Variants in UBE4B observed in about 807,000 individuals in gnomAD.
The protein encoded by UBE4B is ubiquitination factor E4B, also known as ubiquitin conjugation factor E4 B.
In UBE4B, 27 loss-of-function variants were observed where a neutral mutation model predicts 148.1. The observed-to-expected ratio is 0.18, with a 90% CI of 0.13 to 0.25. The LOEUF (loss-of-function observed/expected upper bound fraction) is 0.25. Among genes scored for constraint, UBE4B ranks in the 10% least tolerant of loss-of-function variants. The pLI, the probability that UBE4B is intolerant of heterozygous loss-of-function variation, is 1.00. For missense variants in UBE4B, 1,170 were observed against 1,662.4 expected (o/e 0.70, Z 5.15); for synonymous variants, 596 against 619.3 (o/e 0.96, Z 0.56).
intron 15 of UBE4B, 123 bp downstream of exon 15, chr1:10,132,605 C>A: frequency 1.4e-6 from 1 of 723,742 alleles, no homozygotes; most frequent in South Asian, 1.8e-5. Context: ...GGTAGACGAG[C>A]TTCCTGCTTT....
intron 25 of UBE4B, among the ~76,000 whole-genome samples, chr1:10,172,814 C>T (rs1646357540): frequency 6.6e-6 from 1 of 152,202 alleles, no homozygotes; most frequent in Non-Finnish European, 1.5e-5. Flanking sequence ...TAGTCATGTG[C>T]TGTTTCTGTC....
intron 14 of UBE4B, among the ~76,000 whole-genome samples, chr1:10,131,596 G>A (rs192205979): frequency 7.9e-5 from 12 of 152,178 alleles, no homozygotes; most frequent in Non-Finnish European, 1.2e-4. Context: ...CCGGCTGGGC[G>A]TGTTGGCTAA....
intron 23 of UBE4B, chr1:10,166,224 CTG>C (rs1342831686): frequency 6.6e-6 from 1 of 152,190 alleles, no homozygotes; most frequent in Non-Finnish European, 1.5e-5. Flanking sequence ...CCTGATGGGT[CTG>C]TGTTTGACCC....
chr1:10,129,314 T>C, intron 11 of UBE4B, 78 bp from the exon 12 acceptor site: 1 of 1,410,692 alleles, frequency 7.1e-7, no homozygotes, highest in East Asian at 2.3e-5. Flanking sequence ...TAGCAGCAGT[T>C]AAAACTGTTT....
chr1:10,168,382 A>C lies in UBE4B; in HGVS notation c.3333+112A>C. 6.9e-7 allele frequency: 1 copy of C among 1,442,520 alleles called. No individual in the cohort carries two copies. Among genetic ancestry groups the C allele is most frequent in the Non-Finnish European group, 9.3e-7 (1 of 1,078,928 alleles). 89.4% of individuals were successfully genotyped at this position (1,442,520 alleles called of 1,614,324 possible). On this transcript the variant is annotated intron_variant, in intron 24 of 27. Coordinates refer to ENST00000343090, the MANE Select transcript of UBE4B (RefSeq NM_001105562.3). The surrounding 1 kb of genome is among the most constrained non-coding windows in gnomAD (Gnocchi z 4.9). ...TGGAAATTTTAGGATCACAGTCATC[A>C]ATAAGTGAAATTCTGTGACTGATTT...
chr1:10,105,895 G>T, intron 6 of UBE4B, 151 bp downstream of exon 6: 1 of 958,394 alleles, frequency 1.0e-6, no homozygotes, highest in South Asian at 1.8e-5. Context: ...ATTGGAAGTG[G>T]AATTCTCTTT....
chr1:10,148,879 G>A (rs1019794017), intron 19 of UBE4B, among the ~76,000 whole-genome samples: 19 of 151,926 alleles, frequency 1.3e-4, no homozygotes, highest in African/African-American at 4.4e-4. Context: ...GGTGGAGGTT[G>A]CAGTGAGCCA....
chr1:10,176,789 T>C (rs1001238484), intron 25 of UBE4B, among the ~76,000 whole-genome samples: 14 of 144,612 alleles, frequency 9.7e-5, no homozygotes, highest in South Asian at 6.6e-4. Context: ...TTTTTCTTTT[T>C]TTTTTTTTTT....
At chr1:10,092,018 G>A (rs1644856522) in intron 2 of UBE4B, among the ~76,000 whole-genome samples, 1 of 152,016 alleles carries the variant, frequency 6.6e-6, no homozygotes, top group South Asian at 2.1e-4. Context: ...CAAAAGTGCT[G>A]GGATTACAGA....
intron 2 of UBE4B, among the ~76,000 whole-genome samples, chr1:10,095,182 A>G (rs1354773577): frequency 6.6e-6 from 1 of 152,182 alleles, no homozygotes; most frequent in Non-Finnish European, 1.5e-5. Flanking sequence ...CATAGTTTGA[A>G]TTGGTGCAAG....
At chr1:10,144,659 C>A (rs556909662) in intron 17 of UBE4B, among the ~76,000 whole-genome samples, 7 of 150,974 alleles carry the variant, frequency 4.6e-5, no homozygotes, top group Non-Finnish European at 8.8e-5. Flanking sequence ...CACTTGAACC[C>A]AGGAGGCGGA....
intron 25 of UBE4B, among the ~76,000 whole-genome samples, chr1:10,176,784 C>CTTTTTTTTTT (rs946016031): frequency 8.2e-6 from 1 of 121,776 alleles, no homozygotes; most frequent in Admixed American, 8.3e-5. Flanking sequence ...TTTTCTTTTT[C>CTTTTTTTTTT]TTTTTTTTTT....
At chr1:10,044,164 G>A (rs1281705838) in intron 1 of UBE4B, among the ~76,000 whole-genome samples, 1 of 152,028 alleles carries the variant, frequency 6.6e-6, no homozygotes, top group African/African-American at 2.4e-5. Context: ...TCGTGTCTCA[G>A]CCTCCCGAGT....
At chr1:10,100,305 T>A (rs1166068150) in intron 3 of UBE4B, among the ~76,000 whole-genome samples, 2 of 152,038 alleles carry the variant, frequency 1.3e-5, no homozygotes, top group Admixed American at 1.3e-4. Flanking sequence ...CTCAATTAAA[T>A]TTTTAAAAAT....
At chr1:10,108,188 C>T (rs1645150004) in intron 7 of UBE4B, among the ~76,000 whole-genome samples, 2 of 150,692 alleles carry the variant, frequency 1.3e-5, no homozygotes, top group African/African-American at 4.9e-5. Flanking sequence ...CCCTTCCCAC[C>T]CCCTCCCAGC....
chr1:10,138,283 G>T (rs1247006095), intron 17 of UBE4B, among the ~76,000 whole-genome samples: 1 of 151,964 alleles, frequency 6.6e-6, no homozygotes, highest in Non-Finnish European at 1.5e-5. Context: ...ATTTTTAGTA[G>T]AGACGGGGTT....
At chr1:10,090,995 A>G (rs1421659490) in intron 2 of UBE4B, among the ~76,000 whole-genome samples, 1 of 152,198 alleles carries the variant, frequency 6.6e-6, no homozygotes, top group Admixed American at 6.5e-5. Flanking sequence ...CATAGAATGC[A>G]TAATTTCCTT....
chr1:10,156,661 T>C (rs1029618393), intron 21 of UBE4B, among the ~76,000 whole-genome samples: 22 of 152,212 alleles, frequency 1.4e-4, no homozygotes, highest in Admixed American at 1.4e-3. Context: ...CTTCCTCTTG[T>C]AGGCTATCCT....
intron 23 of UBE4B, among the ~76,000 whole-genome samples, chr1:10,164,834 A>G (rs1646222603): frequency 6.6e-6 from 1 of 152,108 alleles, no homozygotes; most frequent in East Asian, 1.9e-4. Context: ...GTGTTTCTCA[A>G]CGAGGGCACT....
Sources: gnomAD v4.1 joint callset for allele counts (sites outside exome capture counted in the v4.1 genomes callset) on GRCh38, gnomAD v4.1.1 for gene constraint, Gnocchi (gnomAD v3.1) non-coding constraint, MANE v1.5 for transcripts, NCBI Gene and HGNC (gene_info 2026-07-23, HGNC 2026-07-21) for gene names.